Variants in CTPS2 observed in about 807,000 individuals in gnomAD.
CTPS2 encodes CTP synthase II.
A neutral mutation model predicts 46.8 loss-of-function variants in CTPS2; 19 were observed. The ratio of observed to expected loss-of-function variants is 0.41; its 90% confidence interval spans 0.28 to 0.60. The LOEUF is 0.60. CTPS2 is among the 20% of genes least tolerant of loss of function. CTPS2 has a pLI of 0.35. For missense variants in CTPS2, 286 were observed against 447.6 expected, an observed-to-expected ratio of 0.64 and a Z score of 3.26; for synonymous variants, 151 against 165.2, an observed-to-expected ratio of 0.91 and a Z score of 0.66.
intron 13 of CTPS2, among the ~76,000 whole-genome samples, chrX:16,650,478 A>G (rs928046053): frequency 7.3e-5 from 8 of 109,299 alleles, no homozygotes; most frequent in African/African-American, 2.7e-4. Flanking sequence ...GATGTACTCT[A>G]AGAACAGACA....
chrX:16,705,585 C>T (rs1472174500), intron 1 of CTPS2, among the ~76,000 whole-genome samples: 1 of 112,258 alleles, frequency 8.9e-6, no homozygotes, highest in Admixed American at 9.5e-5. Flanking sequence ...ATTCATAGCT[C>T]CTCCTGTAAC....
chrX:16,692,781 G>T (rs1923804125), intron 6 of CTPS2, among the ~76,000 whole-genome samples: 1 of 111,218 alleles, frequency 9.0e-6, no homozygotes, highest in Admixed American at 9.7e-5. Flanking sequence ...GGGCAGCCAG[G>T]CATGGTGGCT....
chrX:16,704,589 T>C (rs1924846444), intron 1 of CTPS2, among the ~76,000 whole-genome samples: 2 of 111,702 alleles, frequency 1.8e-5, no homozygotes, highest in African/African-American at 6.5e-5. Context: ...TGGATACATG[T>C]CATTACACAT....
At chrX:16,639,831 A>AAGAAAGAG (rs1555961938) in intron 13 of CTPS2, among the ~76,000 whole-genome samples, 5 of 108,738 alleles carry the variant, frequency 4.6e-5, no homozygotes, top group African/African-American at 6.7e-5. Context: ...GAAAGAAAGA[A>AAGAAAGAG]GAAAAGAAAA....
intron 17 of CTPS2, among the ~76,000 whole-genome samples, chrX:16,596,054 TG>T (rs1300943795): frequency 1.8e-5 from 2 of 111,256 alleles, no homozygotes; most frequent in Non-Finnish European, 3.8e-5. Context: ...TTTTATTTTT[TG>T]TAGGAATGGG....
intron 13 of CTPS2, chrX:16,650,958 T>G: frequency 1.7e-6 from 2 of 1,155,257 alleles, no homozygotes; most frequent in Non-Finnish European, 2.4e-6. Flanking sequence ...AAAACTGTAC[T>G]TCAGCTTTTT....
intron 14 of CTPS2, among the ~76,000 whole-genome samples, chrX:16,626,476 T>C (rs1397242775): frequency 9.0e-6 from 1 of 111,605 alleles, no homozygotes; most frequent in Non-Finnish European, 1.9e-5. Context: ...TTTTGCAAGA[T>C]GAGAAGAGTT....
intron 9 of CTPS2, among the ~76,000 whole-genome samples, chrX:16,679,115 TG>T: frequency 9.0e-6 from 1 of 111,215 alleles, no homozygotes; most frequent in Middle Eastern, 4.7e-3. Flanking sequence ...CCCAGCACTT[TG>T]GGAGGCCGAG....
At chrX:16,650,283 T>C (rs1233870004) in intron 13 of CTPS2, 1 of 111,229 alleles carries the variant, frequency 9.0e-6, no homozygotes, top group Non-Finnish European at 1.9e-5. Context: ...GTGTGAAAGA[T>C]AATGGTCTGG....
chrX:16,661,525 C>A (rs1448085946), intron 13 of CTPS2, among the ~76,000 whole-genome samples: 1 of 111,642 alleles, frequency 9.0e-6, no homozygotes, highest in Non-Finnish European at 1.9e-5. Context: ...TTAAACAGGG[C>A]TTCAACTAAA....
chrX:16,701,320 G>T (rs191034834), intron 2 of CTPS2, among the ~76,000 whole-genome samples: 4 of 111,287 alleles, frequency 3.6e-5, no homozygotes, highest in South Asian at 3.8e-4. Flanking sequence ...ACTTTGGGAG[G>T]CCGAGGTAGG....
chrX:16,611,482 C>T (rs1479636883), intron 16 of CTPS2, among the ~76,000 whole-genome samples: 4 of 101,475 alleles, frequency 3.9e-5, no homozygotes, highest in African/African-American at 7.4e-5. Flanking sequence ...AAAAAAACTG[C>T]GCATGTACTC....
At chrX:16,609,452 T>C (rs1930152806) in intron 17 of CTPS2, 89 bp downstream of exon 17, 2 of 932,757 alleles carry the variant, frequency 2.1e-6, no homozygotes, top group African/African-American at 2.0e-5. Context: ...CATTTAAAAA[T>C]TCTATAGTGG....
In CTPS2 at chrX:16,698,400, G is replaced by T. The variant is rs1836695943; in HGVS notation, c.338-64C>A. Reference sequence around the variant, plus strand: ...CTCATGAGAAAAGAATGTGCTTTAGGCCTCCCCAATCACCTGAAAGTCACC... The same window carrying T: ...CTCATGAGAAAAGAATGTGCTTTAGTCCTCCCCAATCACCTGAAAGTCACC... On this transcript the variant is annotated intron_variant, in intron 3 of 18. Transcript: ENST00000359276. 7.6e-6 allele frequency: 6 copies of T among 786,231 alleles called. No individual in the cohort carries two copies. In the East Asian group the frequency reaches 1.6e-4, roughly 21 times the overall value. The allele number at this position is 786,231 out of a possible 1,213,427, so 64.8% of individuals were successfully genotyped here. A position where few individuals can be genotyped will look rare whatever the true frequency, so the allele number is the denominator to read the frequency against.
rs185897241 is a variant in CTPS2, at chrX:16,599,975, C to T, written c.1692-9113G>A. On this transcript the variant is annotated intron_variant, in intron 17 of 18. Transcript: ENST00000359276. ...TGTATTTTTAGTAGAGACAGGGTTT[C>T]GCCATGTTGGCCAGGCTGGTCTTGA... Among the ~76,000 whole-genome samples the T allele has an allele frequency of 3.1e-4, 34 of 111,069 alleles. 1 individual carries two copies. The East Asian group carries it at 4.0e-3, about 13-fold the overall frequency.
chrX:16,615,772 T>C (rs1602140349), intron 16 of CTPS2, among the ~76,000 whole-genome samples: 1 of 111,686 alleles, frequency 9.0e-6, no homozygotes, highest in East Asian at 2.8e-4. Context: ...AGTCTTTGGG[T>C]CTTCATTCCT....
At chrX:16,664,141 T>C (rs1452324720) in intron 13 of CTPS2, among the ~76,000 whole-genome samples, 1 of 112,164 alleles carries the variant, frequency 8.9e-6, no homozygotes, top group Non-Finnish European at 1.9e-5. Flanking sequence ...CGGCCATGTG[T>C]AAAAATTTTT....
intron 10 of CTPS2, among the ~76,000 whole-genome samples, chrX:16,672,407 C>T (rs2147309654): frequency 9.0e-6 from 1 of 111,274 alleles, no homozygotes; most frequent in African/African-American, 3.3e-5. Context: ...CAAAATGCTG[C>T]GGGCAATGCT....
intron 1 of CTPS2, among the ~76,000 whole-genome samples, chrX:16,705,470 C>T (rs752694418): frequency 1.3e-4 from 15 of 112,018 alleles, no homozygotes; most frequent in Non-Finnish European, 2.6e-4. Flanking sequence ...TAGGGCTTAA[C>T]TGAAATTCAT....
Sources: gnomAD v4.1 joint callset for allele counts (sites outside exome capture counted in the v4.1 genomes callset) on GRCh38, gnomAD v4.1.1 for gene constraint, MANE v1.5 for transcripts, NCBI Gene and HGNC (gene_info 2026-07-23, HGNC 2026-07-21) for gene names.